Variants in FHIT observed in about 807,000 individuals in gnomAD.
FHIT encodes fragile histidine triad diadenosine triphosphatase.
In FHIT, 19 loss-of-function variants were observed where a neutral mutation model predicts 17.9. The observed-to-expected ratio is 1.06, with a 90% CI of 0.74 to 1.56. The LOEUF (loss-of-function observed/expected upper bound fraction) is 1.56. Among genes scored for constraint, FHIT ranks in the 40% most tolerant of loss-of-function variants. The pLI is 0.00. For synonymous variants in FHIT, 81 were observed against 69.7 expected, an observed-to-expected ratio of 1.16 and a Z score of -0.81; for missense variants, 248 against 189.2, an observed-to-expected ratio of 1.31 and a Z score of -1.82.
chr3:61,141,724 G>A (rs910865588), intron 2 of FHIT, among the ~76,000 whole-genome samples: 2 of 151,486 alleles, frequency 1.3e-5, no homozygotes, highest in Non-Finnish European at 3.0e-5. Context: ...AGTGAAAAAC[G>A]GAGGTCATTT....
intron 5 of FHIT, among the ~76,000 whole-genome samples, chr3:60,138,689 G>A (rs552671444): frequency 1.3e-5 from 2 of 152,124 alleles, no homozygotes; most frequent in East Asian, 1.9e-4. Context: ...TGAGCTTTTC[G>A]AAGTACAGAG....
At chr3:60,729,759 AT>A (rs1553710648) in intron 4 of FHIT, among the ~76,000 whole-genome samples, 28 of 22,616 alleles carry the variant, frequency 1.2e-3, no homozygotes, top group Middle Eastern at 0.022. Flanking sequence ...GATTTTAAAA[AT>A]ATATATATAT....
chr3:61,096,832 C>T (rs2035654024), intron 2 of FHIT, among the ~76,000 whole-genome samples: 1 of 152,056 alleles, frequency 6.6e-6, no homozygotes. Flanking sequence ...AAAAAGAGGC[C>T]GGGAGCGGCA....
rs562951644 is a variant in FHIT at position 60,803,399 on chromosome 3, C to T, written c.-18+18520G>A. Among the ~76,000 whole-genome samples, 8 of 152,308 alleles carry T rather than the reference C, an allele frequency of 5.3e-5. No homozygotes were observed. The South Asian group carries it at 1.7e-3, about 32-fold the overall frequency. ...CCATCGTGATTAGAGGTTTTGTGAG[C>T]ATTTTGGGATGGGGGACACTTTCTC... On this transcript the variant is annotated intron_variant, in intron 4 of 9. Coordinates refer to ENST00000492590, the MANE Select transcript of FHIT (RefSeq NM_002012.4).
chr3:59,773,348 G>T (rs34787563), intron 8 of FHIT, among the ~76,000 whole-genome samples: 1 of 151,976 alleles, frequency 6.6e-6, no homozygotes, highest in African/African-American at 2.4e-5. Context: ...TCACAGAAAG[G>T]GGGTACCTAA....
chr3:59,926,394 A>G (rs1349082868), intron 7 of FHIT, among the ~76,000 whole-genome samples: 2 of 152,234 alleles, frequency 1.3e-5, no homozygotes, highest in Non-Finnish European at 2.9e-5. Context: ...CTCTGTCCCC[A>G]TAGAGCTTAT....
chr3:60,481,948 A>C (rs1229098223), intron 5 of FHIT, among the ~76,000 whole-genome samples: 1 of 152,236 alleles, frequency 6.6e-6, no homozygotes, highest in Non-Finnish European at 1.5e-5. Context: ...ACACAAAGAC[A>C]CAAATAGACT....
chr3:60,530,479 G>A (rs2035736085), intron 5 of FHIT, among the ~76,000 whole-genome samples: 1 of 152,094 alleles, frequency 6.6e-6, no homozygotes, highest in Non-Finnish European at 1.5e-5. Flanking sequence ...ACAATCCATT[G>A]TTCTGTCTAT....
At chr3:60,722,485 G>C (rs2041828238) in intron 4 of FHIT, among the ~76,000 whole-genome samples, 1 of 152,118 alleles carries the variant, frequency 6.6e-6, no homozygotes. Context: ...CTCTAAGGCA[G>C]GATTTCTCAA....
At chr3:60,791,842 T>G (rs1056440595) in intron 4 of FHIT, among the ~76,000 whole-genome samples, 1 of 152,180 alleles carries the variant, frequency 6.6e-6, no homozygotes, top group Non-Finnish European at 1.5e-5. Context: ...GCAAAGTGAA[T>G]GCTAACGTAG....
At chr3:60,262,657 C>G (rs559756318) in intron 5 of FHIT, among the ~76,000 whole-genome samples, 1 of 151,826 alleles carries the variant, frequency 6.6e-6, no homozygotes, top group Non-Finnish European at 1.5e-5. Flanking sequence ...GATTGATTAG[C>G]TAAGATTAGA....
rs1004666076 is a variant in FHIT, at chr3:60,750,920, T to C, written c.-18+70999A>G. Among the ~76,000 whole-genome samples the C allele has an allele frequency of 5.3e-5, 8 of 152,290 alleles. No individual in the cohort carries two copies. In the South Asian group the frequency reaches 1.7e-3, roughly 32 times the overall value. Reference sequence around the variant, plus strand: ...GAAACAGGGATAATCCCACCCCTCTTAATACTAAAGCCTTCTTCCCACATC... The same window carrying C: ...GAAACAGGGATAATCCCACCCCTCTCAATACTAAAGCCTTCTTCCCACATC... On this transcript the variant is annotated intron_variant, in intron 4 of 9. Coordinates refer to ENST00000492590, the MANE Select transcript of FHIT (RefSeq NM_002012.4).
chr3:60,317,185 G>A (rs1709198989), intron 5 of FHIT, among the ~76,000 whole-genome samples: 1 of 137,106 alleles, frequency 7.3e-6, no homozygotes, highest in Non-Finnish European at 1.5e-5. Context: ...GCTTATATTA[G>A]TTCATATTCC....
At chr3:60,854,719 T>C (rs1553749413) in intron 3 of FHIT, among the ~76,000 whole-genome samples, 1 of 152,096 alleles carries the variant, frequency 6.6e-6, no homozygotes, top group Non-Finnish European at 1.5e-5. Flanking sequence ...TTCTAAAAGC[T>C]TTCCAGAAAG....
intron 3 of FHIT, among the ~76,000 whole-genome samples, chr3:60,857,413 A>C (rs1251637725): frequency 6.6e-6 from 1 of 152,124 alleles, no homozygotes; most frequent in African/African-American, 2.4e-5. Context: ...TTCACTACTT[A>C]TCAGCTGTGT....
chr3:60,390,386 G>T (rs1257377993), intron 5 of FHIT, among the ~76,000 whole-genome samples: 2 of 102,272 alleles, frequency 2.0e-5, no homozygotes, highest in African/African-American at 4.4e-5. Flanking sequence ...CCTTAAGATT[G>T]TAATGGAGCT....
At chr3:60,253,219 CT>C (rs1246871352) in intron 5 of FHIT, among the ~76,000 whole-genome samples, 1 of 152,132 alleles carries the variant, frequency 6.6e-6, no homozygotes, top group African/African-American at 2.4e-5. Context: ...TACATTTTTA[CT>C]TACAATGAAG....
chr3:59,893,894 T>G (rs1703957063), intron 8 of FHIT, among the ~76,000 whole-genome samples: 1 of 152,198 alleles, frequency 6.6e-6, no homozygotes, highest in South Asian at 2.1e-4. Flanking sequence ...TAGCTCTTGT[T>G]GAGGAGTCCG....
At chr3:61,222,313 T>C (rs1198453157) in intron 1 of FHIT, among the ~76,000 whole-genome samples, 2 of 152,112 alleles carry the variant, frequency 1.3e-5, no homozygotes, top group African/African-American at 4.8e-5. Context: ...CCTTCCAAAG[T>C]CTTAATTAGT....
Sources: gnomAD v4.1 joint callset for allele counts (sites outside exome capture counted in the v4.1 genomes callset) on GRCh38, gnomAD v4.1.1 for gene constraint, MANE v1.5 for transcripts, NCBI Gene and HGNC (gene_info 2026-07-23, HGNC 2026-07-21) for gene names.